PCAT7: variants seen among roughly 807,000 people sequenced by gnomAD.
PCAT7 encodes prostate cancer associated transcript 7 (non-protein coding).
At chr9:94,568,302 A>T (rs1456278853) in intron 2 of PCAT7, 3 of 152,232 alleles carry the variant, frequency 2.0e-5, no homozygotes, top group Non-Finnish European at 1.5e-5. Context: ...AGGAATCCTC[A>T]GACATATTAA....
chr9:94,562,052 C>T (rs1023895240), intron 2 of PCAT7, among the ~76,000 whole-genome samples: 41 of 152,266 alleles, frequency 2.7e-4, no homozygotes, highest in African/African-American at 9.1e-4. Flanking sequence ...TGACTCATAC[C>T]TGTAATCCCA....
intron 2 of PCAT7, chr9:94,569,823 T>A (rs1827247034): frequency 6.6e-6 from 1 of 152,136 alleles, no homozygotes. Context: ...TCTGACAAAA[T>A]CAAATCACCA....
intron 2 of PCAT7, chr9:94,563,400 G>C (rs1827138135): frequency 6.2e-7 from 1 of 1,613,928 alleles, no homozygotes; most frequent in Admixed American, 1.7e-5. Context: ...ATAGACCAGG[G>C]TGCGGTGCAC....
intron 1 of PCAT7, among the ~76,000 whole-genome samples, chr9:94,555,569 G>C (rs574174649): frequency 1.3e-4 from 19 of 149,106 alleles, no homozygotes; most frequent in Admixed American, 1.1e-3. Flanking sequence ...CAATTGGGAA[G>C]AGGAAAGAGT....
chr9:94,572,289 G>C (rs1827277888), intron 2 of PCAT7, among the ~76,000 whole-genome samples: 1 of 152,092 alleles, frequency 6.6e-6, no homozygotes, highest in African/African-American at 2.4e-5. Context: ...ACTCTTAGCT[G>C]CTACATTTGT....
At chr9:94,563,489 A>G (rs1827139945) in intron 2 of PCAT7, 1 of 1,605,432 alleles carries the variant, frequency 6.2e-7, no homozygotes, top group East Asian at 2.2e-5. Flanking sequence ...AAGAGACAAG[A>G]TCCAGTGGCT....
chr9:94,561,774 C>T (rs1218958169), intron 2 of PCAT7, among the ~76,000 whole-genome samples: 1 of 152,076 alleles, frequency 6.6e-6, no homozygotes, highest in African/African-American at 2.4e-5. Flanking sequence ...AGAGAGACGT[C>T]GGCACAGGGA....
intron 1 of PCAT7, among the ~76,000 whole-genome samples, chr9:94,556,432 G>C (rs1278557058): frequency 2.0e-5 from 3 of 152,010 alleles, no homozygotes; most frequent in Non-Finnish European, 4.4e-5. Flanking sequence ...GGGGTAGATG[G>C]AGGAAGAGAA....
intron 1 of PCAT7, chr9:94,558,709 C>A: frequency 2.0e-6 from 1 of 497,742 alleles, no homozygotes; most frequent in Non-Finnish European, 3.6e-6. Flanking sequence ...GAAGACAAGC[C>A]AAAGTCGCAC....
exon 2 of PCAT7, chr9:94,559,105 C>T (rs372686512): frequency 2.5e-5 from 41 of 1,613,278 alleles, no homozygotes; most frequent in Middle Eastern, 1.7e-4. Context: ...ATGTAGGCCA[C>T]GGGATTGCAT....
intron 2 of PCAT7, among the ~76,000 whole-genome samples, chr9:94,565,781 TA>T (rs1408517578): frequency 4.2e-4 from 59 of 140,494 alleles, no homozygotes; most frequent in African/African-American, 1.4e-3. Context: ...GATAGATAGA[TA>T]GATAGATGAT....
intron 2 of PCAT7, among the ~76,000 whole-genome samples, chr9:94,572,301 T>C (rs1483812617): frequency 1.3e-5 from 2 of 152,140 alleles, no homozygotes; most frequent in Admixed American, 1.3e-4. Flanking sequence ...TACATTTGTA[T>C]TGAGTTACCC....
intron 2 of PCAT7, among the ~76,000 whole-genome samples, chr9:94,564,130 G>T (rs1193107233): frequency 6.6e-6 from 1 of 152,134 alleles, no homozygotes; most frequent in Admixed American, 6.5e-5. Context: ...AGACCAAATG[G>T]ATCTGTTAGA....
At chr9:94,573,647 G>C (rs1827290841) in intron 3 of PCAT7, among the ~76,000 whole-genome samples, 1 of 152,168 alleles carries the variant, frequency 6.6e-6, no homozygotes, top group Non-Finnish European at 1.5e-5. Context: ...TATGAATACT[G>C]GATCAGTCTT....
chr9:94,559,727 G>A (rs1281010928), intron 2 of PCAT7, among the ~76,000 whole-genome samples: 2 of 152,148 alleles, frequency 1.3e-5, no homozygotes, highest in African/African-American at 2.4e-5. Flanking sequence ...ATAGCATCCT[G>A]TACTTCCCCT....
intron 2 of PCAT7, chr9:94,567,429 C>G (rs1259694580): frequency 3.1e-6 from 5 of 1,607,310 alleles, no homozygotes; most frequent in Non-Finnish European, 4.2e-6. Context: ...AAGAGAGATG[C>G]CAGGAAGAAG....
chr9:94,573,311 T>C (rs534754683), intron 3 of PCAT7, among the ~76,000 whole-genome samples: 72 of 152,290 alleles, frequency 4.7e-4, no homozygotes, highest in African/African-American at 1.7e-3. Flanking sequence ...CAGGGTGGAG[T>C]GCAGTGGCTT....
At chr9:94,555,145 T>TGC in exon 1 of PCAT7, 1 of 152,416 alleles carries the variant, frequency 6.6e-6, no homozygotes, top group East Asian at 1.9e-4. Flanking sequence ...TTGTTTTTGT[T>TGC]TTTTTAGGTT....
At chr9:94,568,627 A>G (rs1827227898) in intron 2 of PCAT7, 1 of 152,240 alleles carries the variant, frequency 6.6e-6, no homozygotes, top group Admixed American at 6.5e-5. Context: ...GAATATAAAG[A>G]GGCAAGGCCA....
Sources: gnomAD v4.1 joint callset for allele counts (sites outside exome capture counted in the v4.1 genomes callset) on GRCh38, gnomAD v4.1.1 for gene constraint, MANE v1.5 for transcripts, NCBI Gene and HGNC (gene_info 2026-07-23, HGNC 2026-07-21) for gene names.